The following FBLN7 variants were observed in gnomAD, a reference collection of about 807,000 sequenced individuals.
FBLN7 encodes the protein fibulin 7.
Under a neutral mutation model 44.0 loss-of-function variants are expected in FBLN7, and 31 were observed. The ratio of observed to expected loss-of-function variants is 0.70; its 90% CI spans 0.53 to 0.95. The LOEUF is 0.95. Ranked by LOEUF, FBLN7 falls within the 40% of genes least tolerant of loss-of-function variation. FBLN7 has a pLI of 0.00. For synonymous variants in FBLN7, 262 were observed against 253.4 expected, an observed-to-expected ratio of 1.03 and a Z score of -0.32; for missense variants, 573 against 618.5, an observed-to-expected ratio of 0.93 and a Z score of 0.78.
intron 5 of FBLN7, 149 bp downstream of exon 5, chr2:112,182,025 G>C: frequency 1.0e-6 from 1 of 966,158 alleles, no homozygotes; most frequent in Non-Finnish European, 1.4e-6. Flanking sequence ...ATAGGTAAGT[G>C]TTGACCTAGT....
chr2:112,189,348 G>A (rs1202207232), downstream of FBLN7: 1 of 152,310 alleles, frequency 6.6e-6, no homozygotes, highest in Non-Finnish European at 1.5e-5. Context: ...CAGCACCAAA[G>A]TACAAATGGC....
Position 112,165,054 on chromosome 2 carries a change from T to A in FBLN7, c.289T>A (p.Tyr97Asn). 1 of 1,614,206 alleles carries A rather than the reference T, an allele frequency of 6.2e-7. No homozygotes were observed. Residue 97 changes from tyrosine (Y) to asparagine (N), a missense_variant, in exon 3 of 8, where the codon TAC becomes AAC. Tyr to Asn is a moderately radical substitution (Grantham distance 143). Coordinates refer to ENST00000331203, the MANE Select transcript of FBLN7 (RefSeq NM_153214.3). ...PADGRKFGSK[Y>N]LVDHEVHFTC... ...AGACGGCAGAAAGTTTGGAAGCAAG[T>A]ACTTAGTGGATCACGAAGTCCATTT...
chr2:112,161,874 T>C (rs1200952865), intron 2 of FBLN7, among the ~76,000 whole-genome samples: 2 of 152,246 alleles, frequency 1.3e-5, no homozygotes, highest in African/African-American at 4.8e-5. Flanking sequence ...GGGTACTTTA[T>C]GCGTGCAGAG....
At chr2:112,191,406 C>G (rs1683484696), downstream of FBLN7, among the ~76,000 whole-genome samples, 2 of 152,272 alleles carry the variant, frequency 1.3e-5, no homozygotes, top group South Asian at 4.1e-4. Context: ...AAACTCCTGT[C>G]CTCAAGTGGT....
Position 112,188,004 on chromosome 2 carries a change from T to C in FBLN7, c.*498T>C. 1.2e-5 allele frequency: 2 copies of C among 165,604 alleles called. No homozygotes were observed. The highest frequency in any genetic ancestry group is 2.6e-5 in the Non-Finnish European group (2 of 77,034). The allele number at this position is 165,604 out of a possible 1,614,324, so 10.3% of individuals were successfully genotyped here. ...CCTCCCATGACCCAGCACGTTGTTC[T>C]TATCTGCCTTTTCCTCTGTGACATG... On this transcript the variant is annotated 3_prime_UTR_variant, in exon 8 of 8. Coordinates refer to ENST00000331203, the MANE Select transcript of FBLN7 (RefSeq NM_153214.3).
chr2:112,184,490 G>T (rs969841108), intron 6 of FBLN7, among the ~76,000 whole-genome samples: 8 of 152,084 alleles, frequency 5.3e-5, no homozygotes, highest in Non-Finnish European at 1.5e-5. Context: ...GGTTGGGAGG[G>T]ACGGCCTCCA....
At chr2:112,205,966 AT>A in the FBLN7 span, among the ~76,000 whole-genome samples, 1 of 151,744 alleles carries the variant, frequency 6.6e-6, no homozygotes, top group South Asian at 2.1e-4. Context: ...TCTTTTATAA[AT>A]TTTGGTAGAA....
chr2:112,224,393 T>C, the FBLN7 span, among the ~76,000 whole-genome samples: 2 of 152,126 alleles, frequency 1.3e-5, no homozygotes, highest in African/African-American at 4.8e-5. Flanking sequence ...AAGCTACAAT[T>C]TGAAGAGAAT....
chr2:112,244,242 T>C, the FBLN7 span, among the ~76,000 whole-genome samples: 3 of 152,132 alleles, frequency 2.0e-5, no homozygotes, highest in Non-Finnish European at 4.4e-5. Flanking sequence ...CACTGGATAG[T>C]AGAAGACAAT....
At chr2:112,214,830 A>G in the FBLN7 span, 1 of 152,186 alleles carries the variant, frequency 6.6e-6, no homozygotes, top group East Asian at 1.9e-4. Flanking sequence ...CACAGGACAC[A>G]TTCATGAGAA....
chr2:112,189,389 G>A (rs1041064248), downstream of FBLN7: 2 of 152,474 alleles, frequency 1.3e-5, no homozygotes, highest in African/African-American at 4.8e-5. Context: ...GATGGCTGTG[G>A]ACAATGATGG....
chr2:112,192,086 T>G (rs1683510222), downstream of FBLN7, among the ~76,000 whole-genome samples: 1 of 152,224 alleles, frequency 6.6e-6, no homozygotes, highest in Admixed American at 6.5e-5. Context: ...AACCATATAG[T>G]ATGTTTTCCA....
intron 1 of FBLN7, among the ~76,000 whole-genome samples, chr2:112,138,962 AGC>A (rs1337870107): frequency 4.7e-5 from 6 of 126,792 alleles, no homozygotes; most frequent in Admixed American, 1.5e-4. Context: ...TCTCCAGGCC[AGC>A]GTCCCTCCCG....
rs111360183 is a variant in FBLN7 at position 112,142,768 on chromosome 2, T to TTTGTG, written c.75+4039_75+4040insTGTGT. 3.0e-4 allele frequency among the ~76,000 whole-genome samples: 46 copies of TTTGTG among 151,452 alleles called. 1 individual carries two copies. The highest frequency in any genetic ancestry group is 1.1e-3 in the African/African-American group (45 of 41,234). Reference sequence around the variant, plus strand: ...TAATATCATGAGCGTATGTGTGTGTTTGTGTGTGTGTGTGTCAATAGATGT... The same window carrying TTTGTG: ...TAATATCATGAGCGTATGTGTGTGTTTTGTGTGTGTGTGTGTGTGTCAATAGATGT... On this transcript the variant is annotated intron_variant, in intron 1 of 7. Transcript: ENST00000331203.
chr2:112,217,860 A>G, the FBLN7 span, among the ~76,000 whole-genome samples: 3 of 152,110 alleles, frequency 2.0e-5, no homozygotes, highest in Non-Finnish European at 4.4e-5. Flanking sequence ...CTGAAAAAAA[A>G]TGTTGCCCCT....
At chr2:112,168,249 C>A (rs1454807561) in intron 3 of FBLN7, among the ~76,000 whole-genome samples, 1 of 152,234 alleles carries the variant, frequency 6.6e-6, no homozygotes, top group Admixed American at 6.5e-5. Flanking sequence ...CAAAGAGCTG[C>A]ATGATGCAGC....
intron 3 of FBLN7, among the ~76,000 whole-genome samples, chr2:112,166,175 T>A (rs1317209445): frequency 1.3e-5 from 2 of 152,190 alleles, no homozygotes; most frequent in East Asian, 1.9e-4. Context: ...CTCAGCCTCC[T>A]GAGTAGCTGG....
intron 3 of FBLN7, among the ~76,000 whole-genome samples, chr2:112,172,694 C>T (rs371680182): frequency 1.0e-4 from 14 of 134,966 alleles, no homozygotes; most frequent in East Asian, 8.7e-4. Flanking sequence ...AGAGTAGTGG[C>T]GCGATCTTGG....
the FBLN7 span, among the ~76,000 whole-genome samples, chr2:112,229,413 G>A: frequency 1.3e-5 from 2 of 152,128 alleles, no homozygotes; most frequent in Non-Finnish European, 2.9e-5. Context: ...AAAAGGTGGA[G>A]TACAGTTTCC....
Sources: gnomAD v4.1 joint callset for allele counts (sites outside exome capture counted in the v4.1 genomes callset) on GRCh38, gnomAD v4.1.1 for gene constraint, MANE v1.5 for transcripts, NCBI Gene and HGNC (gene_info 2026-07-23, HGNC 2026-07-21) for gene names.